SORCS3: variants seen among roughly 807,000 people sequenced by gnomAD.
SORCS3 encodes the protein VPS10 domain-containing receptor SorCS3.
Under a neutral mutation model 146.3 loss-of-function variants are expected in SORCS3, and 57 were observed. That is an observed-to-expected ratio of 0.39 (90% confidence interval 0.31 to 0.49). SORCS3 has a LOEUF of 0.49. SORCS3 is among the 20% of genes least tolerant of loss of function. The pLI, the probability that SORCS3 is intolerant of heterozygous loss-of-function variation, is 0.92. For missense variants in SORCS3, 1,341 were observed against 1,575.5 expected (o/e 0.85, Z 2.52); for synonymous variants, 653 against 618.5 (o/e 1.06, Z -0.83).
intron 3 of SORCS3, among the ~76,000 whole-genome samples, chr10:104,950,199 A>G (rs1164996270): frequency 1.3e-5 from 2 of 152,176 alleles, no homozygotes; most frequent in South Asian, 4.1e-4. Flanking sequence ...CCTTTTCAAA[A>G]TGTTACCCTC....
chr10:104,755,321 A>G (rs891285259), intron 1 of SORCS3, among the ~76,000 whole-genome samples: 1 of 152,216 alleles, frequency 6.6e-6, no homozygotes, highest in Non-Finnish European at 1.5e-5. Flanking sequence ...ACTCATTCAT[A>G]CATTCATTTT....
At chr10:104,971,195 G>A (rs948393262) in intron 3 of SORCS3, among the ~76,000 whole-genome samples, 2 of 152,218 alleles carry the variant, frequency 1.3e-5, no homozygotes, top group African/African-American at 4.8e-5. Flanking sequence ...GAGAATGTCA[G>A]AATCAGATTT....
intron 7 of SORCS3, among the ~76,000 whole-genome samples, chr10:105,106,880 A>G (rs2055825559): frequency 6.6e-6 from 1 of 152,182 alleles, no homozygotes; most frequent in Admixed American, 6.6e-5. Flanking sequence ...TTGAACACAT[A>G]CATTGCAAAA....
chr10:105,065,466 A>C (rs1474485439), intron 5 of SORCS3, among the ~76,000 whole-genome samples: 2 of 152,168 alleles, frequency 1.3e-5, no homozygotes, highest in African/African-American at 4.8e-5. Flanking sequence ...CCAACTGCAC[A>C]CGACGACCTC....
At chr10:105,061,594 C>G (rs373796928) in intron 5 of SORCS3, among the ~76,000 whole-genome samples, 58 of 151,348 alleles carry the variant, frequency 3.8e-4, no homozygotes, top group African/African-American at 1.4e-3. Flanking sequence ...TGCGCCTGGC[C>G]CCCTTTTTTT....
chr10:105,163,613 A>G (rs948333803), intron 11 of SORCS3, among the ~76,000 whole-genome samples: 7 of 152,118 alleles, frequency 4.6e-5, no homozygotes, highest in Non-Finnish European at 8.8e-5. Flanking sequence ...CATAGCCACA[A>G]GGTGATGGAG....
intron 2 of SORCS3, among the ~76,000 whole-genome samples, chr10:104,884,658 G>A (rs1252949512): frequency 6.6e-6 from 1 of 152,102 alleles, no homozygotes; most frequent in Non-Finnish European, 1.5e-5. Context: ...GTATAGGAAG[G>A]AGGTGACCTT....
At chr10:104,819,253 G>A (rs970581060) in intron 1 of SORCS3, among the ~76,000 whole-genome samples, 3 of 152,168 alleles carry the variant, frequency 2.0e-5, no homozygotes, top group Non-Finnish European at 4.4e-5. Flanking sequence ...ATGCATGAAA[G>A]ATAGGGACCA....
chr10:105,128,048 G>T (rs182559721), intron 7 of SORCS3, among the ~76,000 whole-genome samples: 84 of 152,290 alleles, frequency 5.5e-4, no homozygotes, highest in Non-Finnish European at 1.8e-4. Context: ...CCACCATGGA[G>T]CTGAATACCC....
intron 3 of SORCS3, among the ~76,000 whole-genome samples, chr10:104,958,546 A>T (rs551481013): frequency 2.0e-5 from 3 of 152,188 alleles, no homozygotes; most frequent in Admixed American, 2.0e-4. Flanking sequence ...GAGGAAGAAG[A>T]ACCAGAGTGA....
chr10:105,057,383 A>G (rs1490102781), intron 5 of SORCS3, among the ~76,000 whole-genome samples: 2 of 152,178 alleles, frequency 1.3e-5, no homozygotes, highest in Non-Finnish European at 2.9e-5. Flanking sequence ...CACACAAGCT[A>G]CATATGGGTA....
At chr10:105,018,324 G>T (rs1272189423) in intron 4 of SORCS3, among the ~76,000 whole-genome samples, 1 of 152,226 alleles carries the variant, frequency 6.6e-6, no homozygotes, top group Non-Finnish European at 1.5e-5. Flanking sequence ...TCTTGGGATT[G>T]GCTCTGACTG....
At chr10:104,905,039 C>A (rs2018890967) in intron 2 of SORCS3, among the ~76,000 whole-genome samples, 1 of 152,112 alleles carries the variant, frequency 6.6e-6, no homozygotes, top group Non-Finnish European at 1.5e-5. Flanking sequence ...TTGCTTTTTC[C>A]TGCTTAGCCA....
chr10:105,175,530 C>T (rs999073842), intron 13 of SORCS3, among the ~76,000 whole-genome samples: 2 of 152,146 alleles, frequency 1.3e-5, no homozygotes, highest in African/African-American at 4.8e-5. Context: ...CCAGAGTTGA[C>T]TTGTTAGTAG....
chr10:104,840,780 C>CT (rs2018129029), intron 1 of SORCS3, among the ~76,000 whole-genome samples: 1 of 152,276 alleles, frequency 6.6e-6, no homozygotes, highest in Non-Finnish European at 1.5e-5. Flanking sequence ...GAGGCATGTG[C>CT]CCTGAAGGCT....
chr10:105,094,933 C>T (rs1310367041), intron 6 of SORCS3, among the ~76,000 whole-genome samples: 1 of 152,168 alleles, frequency 6.6e-6, no homozygotes, highest in Non-Finnish European at 1.5e-5. Context: ...TATGAGGGAA[C>T]AGGTAGGTAG....
Position 105,223,264 on chromosome 10 carries a change from G to C in SORCS3, c.2868+15G>C, listed in dbSNP as rs1216918670. ...ATAGCACAAAGGTTTGGCCCTTTCT[G>C]ATTGATGTCAAATTAGATCTGTACT... is the stretch of plus-strand genomic sequence containing the variant. On this transcript the variant is annotated intron_variant, in intron 20 of 26. Transcript: ENST00000369701. The C allele has an allele frequency of 5.6e-6, 9 of 1,599,712 alleles. No individual in the cohort carries two copies. The African/African-American group carries it at 9.4e-5, about 17-fold the overall frequency.
intron 21 of SORCS3, 100 bp downstream of exon 21, chr10:105,245,765 C>T (rs935021365): frequency 1.4e-6 from 2 of 1,428,604 alleles, no homozygotes; most frequent in African/African-American, 2.9e-5. Context: ...ATTCCTCAGG[C>T]CCTGGGAAAA....
intron 23 of SORCS3, 47 bp from the exon 24 acceptor site, chr10:105,255,655 A>G (rs774539249): frequency 2.3e-6 from 3 of 1,316,098 alleles, no homozygotes; most frequent in Non-Finnish European, 3.3e-6. Context: ...ATGAGGGAGC[A>G]TCATTGCATG....
Sources: gnomAD v4.1 joint callset for allele counts (sites outside exome capture counted in the v4.1 genomes callset) on GRCh38, gnomAD v4.1.1 for gene constraint, MANE v1.5 for transcripts, NCBI Gene and HGNC (gene_info 2026-07-23, HGNC 2026-07-21) for gene names.